Variants in LAPTM4B observed in about 807,000 individuals in gnomAD.
LAPTM4B encodes the protein lysosomal-associated transmembrane protein 4B.
LAPTM4B carries 26 observed loss-of-function variants against 28.5 expected under a neutral mutation model. The observed-to-expected ratio is 0.91, with a 90% CI of 0.67 to 1.27. The LOEUF is 1.27. LAPTM4B is among the 50% of genes most tolerant of loss of function. The probability of loss-of-function intolerance (pLI) is 0.00; values close to 1 mark genes in which losing one functional copy is unlikely to be tolerated. For synonymous variants in LAPTM4B, 109 were observed against 106.4 expected (o/e 1.02, Z -0.15); for missense variants, 288 against 285.8 (o/e 1.01, Z -0.06).
intron 6 of LAPTM4B, among the ~76,000 whole-genome samples, chr8:97,828,235 T>C (rs539883064): frequency 1.6e-3 from 250 of 152,282 alleles, no homozygotes; most frequent in African/African-American, 5.9e-3. Flanking sequence ...TGGGAGATTT[T>C]TCTCAGCGCT....
chr8:97,809,997 T>A (rs1010779091), intron 2 of LAPTM4B, among the ~76,000 whole-genome samples: 1 of 152,182 alleles, frequency 6.6e-6, no homozygotes, highest in Admixed American at 6.5e-5. Flanking sequence ...GCACACAATC[T>A]GGGCTTACTG....
intron 2 of LAPTM4B, among the ~76,000 whole-genome samples, chr8:97,808,699 C>T (rs1357454618): frequency 6.6e-6 from 1 of 151,926 alleles, no homozygotes; most frequent in African/African-American, 2.4e-5. Flanking sequence ...CACCTGTAAT[C>T]CCAGCACTTT....
chr8:97,816,495 C>CTGTGTT (rs1317114790), intron 4 of LAPTM4B, among the ~76,000 whole-genome samples: 1 of 151,986 alleles, frequency 6.6e-6, no homozygotes, highest in African/African-American at 2.4e-5. Flanking sequence ...TGGGGTTTCA[C>CTGTGTT]TGTGTTGGTC....
chr8:97,815,691 A>G (rs752694955), intron 3 of LAPTM4B, among the ~76,000 whole-genome samples: 9 of 152,074 alleles, frequency 5.9e-5, no homozygotes, highest in Admixed American at 3.3e-4. Context: ...CTCAGCCTCC[A>G]GAGTAGCTGG....
intron 6 of LAPTM4B, among the ~76,000 whole-genome samples, chr8:97,830,070 GGT>G (rs931948998): frequency 9.2e-5 from 14 of 152,162 alleles, no homozygotes; most frequent in African/African-American, 3.4e-4. Flanking sequence ...GAGGTTTGGA[GGT>G]GTAAGGAGAT....
intron 5 of LAPTM4B, among the ~76,000 whole-genome samples, chr8:97,822,794 C>T (rs1344662787): frequency 1.3e-5 from 2 of 151,856 alleles, no homozygotes; most frequent in African/African-American, 2.4e-5. Context: ...CATGGAAAAT[C>T]GGGTGTCCAT....
At chr8:97,829,031 A>G (rs756597116) in intron 6 of LAPTM4B, among the ~76,000 whole-genome samples, 3 of 152,174 alleles carry the variant, frequency 2.0e-5, no homozygotes, top group Non-Finnish European at 2.9e-5. Flanking sequence ...CAGAGGAAAA[A>G]GAGTCCTTGA....
chr8:97,823,144 T>C (rs943380378), intron 5 of LAPTM4B, among the ~76,000 whole-genome samples: 6 of 151,994 alleles, frequency 3.9e-5, no homozygotes, highest in African/African-American at 7.2e-5. Flanking sequence ...CCCGGCCCAC[T>C]AAATAGTTCT....
At chr8:97,789,780 C>T (rs553850100) in intron 1 of LAPTM4B, among the ~76,000 whole-genome samples, 2 of 152,208 alleles carry the variant, frequency 1.3e-5, no homozygotes, top group East Asian at 3.9e-4. Context: ...CTCGGCCTCC[C>T]AAAGTGCTGG....
chr8:97,800,652 A>G (rs949046886), intron 1 of LAPTM4B, among the ~76,000 whole-genome samples: 5 of 151,846 alleles, frequency 3.3e-5, no homozygotes, highest in Admixed American at 2.6e-4. Flanking sequence ...ATGCACCACC[A>G]TGCCCGGCTA....
At chr8:97,799,926 T>C (rs532606187) in intron 1 of LAPTM4B, among the ~76,000 whole-genome samples, 4 of 152,166 alleles carry the variant, frequency 2.6e-5, no homozygotes, top group Non-Finnish European at 5.9e-5. Context: ...GAATTGTTCT[T>C]TTCCACACCT....
Position 97,815,375 on chromosome 8 carries a change from G to A in LAPTM4B, c.259G>A (p.Ala87Thr), listed in dbSNP as rs1324516840. Residue 87 changes from alanine to threonine, a missense_variant, in exon 3 of 7, where the codon GCT becomes ACT. Transcript: ENST00000521545. ...TTCTCTTCTCATGATCCTGATATGT[G>A]CTATGGCTACTTACGGAGCGTACAA... ...AISLLMILIC[A>T]MATYGAYKQR... 3 of 1,613,768 alleles carry A rather than the reference G, an allele frequency of 1.9e-6. No individual in the cohort carries two copies. The highest frequency in any genetic ancestry group is 2.2e-5 in the East Asian group (1 of 44,884).
chr8:97,790,540 G>A lies in LAPTM4B; in HGVS notation c.99+14432G>A, dbSNP rs541197182. Among the ~76,000 whole-genome samples, 7 of 151,966 alleles carry A rather than the reference G, an allele frequency of 4.6e-5. No homozygotes were observed. The South Asian group carries it at 6.3e-4, about 14-fold the overall frequency. On this transcript the variant is annotated intron_variant, in intron 1 of 6. Coordinates refer to ENST00000521545, the MANE Select transcript of LAPTM4B (RefSeq NM_018407.6). ...TTGGCCAGGCTGGTCTCGAACTCCC[G>A]ACCTTGTGATCTGCCCGCCTCACTC...
At chr8:97,825,944 C>T (rs11783405) in intron 6 of LAPTM4B, among the ~76,000 whole-genome samples, 71,040 of 151,940 alleles carry the variant, frequency 0.47, 16,898 homozygotes, top group East Asian at 0.57. Flanking sequence ...TTGGACTGGA[C>T]GGGTGAAAGG....
At chr8:97,835,475 G>C (rs1471987761) in intron 6 of LAPTM4B, among the ~76,000 whole-genome samples, 1 of 152,162 alleles carries the variant, frequency 6.6e-6, no homozygotes, top group African/African-American at 2.4e-5. Flanking sequence ...AACGCAGAAG[G>C]TCACAAACTC....
At chr8:97,849,460 T>C (rs1277165889) in intron 6 of LAPTM4B, among the ~76,000 whole-genome samples, 1 of 152,224 alleles carries the variant, frequency 6.6e-6, no homozygotes, top group Non-Finnish European at 1.5e-5. Flanking sequence ...ATGTGTTCTG[T>C]ACTGAGTGTA....
intron 1 of LAPTM4B, among the ~76,000 whole-genome samples, chr8:97,793,120 C>G (rs1371797956): frequency 6.6e-6 from 1 of 151,986 alleles, no homozygotes; most frequent in Non-Finnish European, 1.5e-5. Context: ...ATTATTTTCC[C>G]CACTAGATAA....
intron 2 of LAPTM4B, among the ~76,000 whole-genome samples, chr8:97,809,014 A>G (rs558693270): frequency 1.3e-3 from 202 of 152,304 alleles, no homozygotes; most frequent in African/African-American, 4.7e-3. Context: ...AGTCCTTTCA[A>G]ATATATAAAA....
intron 5 of LAPTM4B, among the ~76,000 whole-genome samples, chr8:97,822,567 T>A (rs1586336891): frequency 7.0e-6 from 1 of 142,968 alleles, no homozygotes; most frequent in Non-Finnish European, 1.5e-5. Context: ...TTTATTTATT[T>A]ATTAAGGCAC....
Sources: gnomAD v4.1 joint callset for allele counts (sites outside exome capture counted in the v4.1 genomes callset) on GRCh38, gnomAD v4.1.1 for gene constraint, MANE v1.5 for transcripts, NCBI Gene and HGNC (gene_info 2026-07-23, HGNC 2026-07-21) for gene names.